The following ADAMTS6 variants were observed in gnomAD, a reference collection of about 807,000 sequenced individuals.
ADAMTS6 encodes A disintegrin and metalloproteinase with thrombospondin motifs 6.
A neutral mutation model predicts 144.3 loss-of-function variants in ADAMTS6; 23 were observed. The ratio of observed to expected loss-of-function variants is 0.16; its 90% CI spans 0.11 to 0.23. ADAMTS6 has a LOEUF of 0.23. ADAMTS6 is among the 10% of genes least tolerant of loss of function. The pLI is 1.00. For synonymous variants in ADAMTS6, 444 were observed against 457.5 expected, an observed-to-expected ratio of 0.97 and a Z score of 0.38; for missense variants, 999 against 1,379.6, an observed-to-expected ratio of 0.72 and a Z score of 4.37.
intron 7 of ADAMTS6, among the ~76,000 whole-genome samples, chr5:65,447,078 T>C (rs1013010152): frequency 6.6e-6 from 1 of 152,164 alleles, no homozygotes; most frequent in Admixed American, 6.5e-5. Flanking sequence ...TCCAATACTT[T>C]ATAGGAGAGA....
intron 7 of ADAMTS6, among the ~76,000 whole-genome samples, chr5:65,358,351 G>A (rs1422025815): frequency 1.3e-5 from 2 of 151,856 alleles, no homozygotes; most frequent in East Asian, 1.9e-4. Context: ...CAAGCCCACA[G>A]GTAACATCAT....
At chr5:65,405,149 A>G (rs1442333743) in intron 7 of ADAMTS6, among the ~76,000 whole-genome samples, 1 of 152,176 alleles carries the variant, frequency 6.6e-6, no homozygotes, top group African/African-American at 2.4e-5. Flanking sequence ...CTTTAGTTTA[A>G]TTAGATCCCA....
At chr5:65,446,247 G>A (rs1389924651) in intron 7 of ADAMTS6, among the ~76,000 whole-genome samples, 1 of 152,032 alleles carries the variant, frequency 6.6e-6, no homozygotes, top group Non-Finnish European at 1.5e-5. Context: ...ATATAATCCT[G>A]ATAAACACAT....
intron 1 of ADAMTS6, among the ~76,000 whole-genome samples, chr5:65,476,323 C>T (rs1039545646): frequency 6.6e-6 from 1 of 152,188 alleles, no homozygotes; most frequent in Admixed American, 6.5e-5. Context: ...GAGGACATAA[C>T]CCCTAGATTC....
chr5:65,474,420 A>G (rs113825292), intron 1 of ADAMTS6, among the ~76,000 whole-genome samples: 1 of 152,012 alleles, frequency 6.6e-6, no homozygotes, highest in Non-Finnish European at 1.5e-5. Context: ...TAGATCTACA[A>G]ATAGTGACAT....
intron 7 of ADAMTS6, among the ~76,000 whole-genome samples, chr5:65,356,864 T>C (rs1383436676): frequency 6.6e-6 from 1 of 151,864 alleles, no homozygotes; most frequent in African/African-American, 2.4e-5. Flanking sequence ...GTGTTTAGCT[T>C]TCTACCTCTA....
Position 65,224,394 on chromosome 5 carries a change from A to G in ADAMTS6, c.2198T>C (p.Met733Thr). ...GCCTCTTGGTATCTGCACCACTTCC[A>G]TGTAGCCTGGAACACAGAAGATAGC... ...FNDSLPRGGY[M>T]EVVQIPRGSV... is the part of the protein sequence containing the mutation. The change falls in exon 18 of 25, where the codon ATG becomes ACG. Residue 733 changes from methionine (M) to threonine (T), a missense_variant. Coordinates refer to ENST00000381055, the MANE Select transcript of ADAMTS6 (RefSeq NM_197941.4). 1.9e-6 allele frequency: 3 copies of G among 1,614,068 alleles called. No individual in the cohort carries two copies. The highest frequency in any genetic ancestry group is 1.1e-5 in the South Asian group (1 of 91,086).
chr5:65,340,408 ACCAT>A (rs562342471), intron 7 of ADAMTS6, among the ~76,000 whole-genome samples: 82 of 152,208 alleles, frequency 5.4e-4, no homozygotes, highest in Non-Finnish European at 8.4e-4. Flanking sequence ...AAAAATAATA[ACCAT>A]CATCATGAAA....
intron 7 of ADAMTS6, among the ~76,000 whole-genome samples, chr5:65,338,479 A>C (rs887072760): frequency 1.3e-5 from 2 of 152,270 alleles, no homozygotes; most frequent in South Asian, 2.1e-4. Context: ...GGCTATCAGA[A>C]GAAACTGACC....
At chr5:65,187,520 T>G (rs1754745014) in intron 22 of ADAMTS6, among the ~76,000 whole-genome samples, 1 of 152,176 alleles carries the variant, frequency 6.6e-6, no homozygotes. Flanking sequence ...AATGAATTGA[T>G]AACAATTCAT....
chr5:65,311,512 C>G (rs576686597), intron 9 of ADAMTS6, among the ~76,000 whole-genome samples: 2 of 152,038 alleles, frequency 1.3e-5, no homozygotes, highest in Admixed American at 6.5e-5. Context: ...TGTCATTTAA[C>G]AAAACAAAAT....
At chr5:65,176,580 C>A (rs1753995563) in intron 22 of ADAMTS6, among the ~76,000 whole-genome samples, 1 of 152,148 alleles carries the variant, frequency 6.6e-6, no homozygotes, top group African/African-American at 2.4e-5. Flanking sequence ...GTGAACTGGA[C>A]ATTAAAGTAA....
In ADAMTS6 at chr5:65,217,373, C is replaced by CT. The variant is rs77812978; in HGVS notation, c.2273-1887dup. ...CTCCTTCAGTTTGAGCTCTCACTTC[C>CT]TTTTTTTTTTTTTACAACTACTAAA... On this transcript the variant is annotated intron_variant, in intron 18 of 24. Transcript: ENST00000381055. 8.2e-3 allele frequency among the ~76,000 whole-genome samples: 1,176 copies of CT among 143,570 alleles called. 13 individuals carry two copies. The highest frequency in any genetic ancestry group is 0.022 in the African/African-American group (871 of 39,446). The allele number at this position is 143,570 out of a possible 152,430, so 94.2% of individuals were successfully genotyped here.
In ADAMTS6 at chr5:65,475,713, C is replaced by T. The variant is rs542081775; in HGVS notation, c.-279-1761G>A. ...AATGCATTCCACAAAGTCTAGATAA[C>T]CAGAAAAAAATGGGAAATAGTAAAC... On this transcript the variant is annotated intron_variant, in intron 1 of 24. Transcript: ENST00000381055. Among the ~76,000 whole-genome samples, 10 of 151,850 alleles carry T rather than the reference C, an allele frequency of 6.6e-5. No homozygotes were observed. In the South Asian group the frequency reaches 2.1e-3, roughly 31 times the overall value.
chr5:65,239,130 G>A (rs1758936659), intron 15 of ADAMTS6, among the ~76,000 whole-genome samples: 2 of 152,056 alleles, frequency 1.3e-5, no homozygotes, highest in Admixed American at 1.3e-4. Context: ...GGTAGGGGGA[G>A]GGGGGAGAGA....
chr5:65,321,708 CTTTT>C (rs529236363), intron 9 of ADAMTS6, among the ~76,000 whole-genome samples: 8,298 of 77,912 alleles, frequency 0.11, 75 homozygotes, highest in African/African-American at 0.12. Flanking sequence ...TTTTCTTTTC[CTTTT>C]TTTTTTTTTT....
intron 11 of ADAMTS6, among the ~76,000 whole-genome samples, chr5:65,281,586 G>C (rs1243358656): frequency 6.6e-6 from 1 of 151,956 alleles, no homozygotes; most frequent in South Asian, 2.1e-4. Context: ...CAAGAAACAA[G>C]ACATTTAAAA....
intron 9 of ADAMTS6, among the ~76,000 whole-genome samples, chr5:65,300,655 G>A (rs1320246486): frequency 6.6e-6 from 1 of 150,542 alleles, no homozygotes; most frequent in African/African-American, 2.5e-5. Context: ...TTTTTGAGAC[G>A]CAGTCTTGCT....
chr5:65,401,179 T>C (rs1753883403), intron 7 of ADAMTS6, among the ~76,000 whole-genome samples: 1 of 152,150 alleles, frequency 6.6e-6, no homozygotes, highest in South Asian at 2.1e-4. Flanking sequence ...GGTGATAAGG[T>C]GTGGGGAAAG....
Sources: allele counts gnomAD v4.1 joint callset (sites outside exome capture counted in the v4.1 genomes callset), GRCh38; gene constraint gnomAD v4.1.1; transcripts MANE v1.5; gene names NCBI Gene and HGNC (gene_info 2026-07-23, HGNC 2026-07-21).